The following KIAA1217 variants were observed in gnomAD, a reference collection of about 807,000 sequenced individuals.
The protein encoded by KIAA1217 is KIAA1217, also known as sickle tail protein homolog.
Under a neutral mutation model 163.9 loss-of-function variants are expected in KIAA1217, and 88 were observed. That is an observed-to-expected ratio of 0.54 (90% CI 0.45 to 0.64). The LOEUF (loss-of-function observed/expected upper bound fraction) is 0.64. Among genes scored for constraint, KIAA1217 ranks in the 30% least tolerant of loss-of-function variants. The pLI is 0.00. For missense variants in KIAA1217, 2,372 were observed against 2,475.0 expected, an observed-to-expected ratio of 0.96 and a Z score of 0.88; for synonymous variants, 903 against 923.1, an observed-to-expected ratio of 0.98 and a Z score of 0.39.
intron 1 of KIAA1217, among the ~76,000 whole-genome samples, chr10:23,992,673 C>G (rs994658440): frequency 6.8e-6 from 1 of 146,024 alleles, no homozygotes; most frequent in African/African-American, 2.6e-5. Flanking sequence ...AGCCAAAGGT[C>G]TAGAAGGAAG....
chr10:23,919,845 G>A (rs1589077633), intron 1 of KIAA1217, among the ~76,000 whole-genome samples: 1 of 152,038 alleles, frequency 6.6e-6, no homozygotes, highest in African/African-American at 2.4e-5. Flanking sequence ...GCAAAATTCT[G>A]CCCCATGACA....
At chr10:23,738,883 T>TA (rs1838952990) in intron 1 of KIAA1217, among the ~76,000 whole-genome samples, 2 of 152,110 alleles carry the variant, frequency 1.3e-5, no homozygotes, top group African/African-American at 4.8e-5. Flanking sequence ...GAATAGGGAA[T>TA]ACACATACAA....
chr10:24,245,454 C>A (rs1271044768), intron 2 of KIAA1217, among the ~76,000 whole-genome samples: 1 of 152,182 alleles, frequency 6.6e-6, no homozygotes, highest in Non-Finnish European at 1.5e-5. Context: ...CTCTTTGGAC[C>A]TACTACTTGC....
chr10:24,219,572 T>G, intron 1 of KIAA1217, 54 bp from the exon 2 acceptor site: 93 of 1,445,104 alleles, frequency 6.4e-5, no homozygotes, highest in Middle Eastern at 1.8e-4. Context: ...GTTCTGCAAA[T>G]GAGACTTCTA....
chr10:23,908,441 T>C (rs1842274904), intron 1 of KIAA1217, among the ~76,000 whole-genome samples: 1 of 152,116 alleles, frequency 6.6e-6, no homozygotes, highest in Non-Finnish European at 1.5e-5. Context: ...TGGACTGCTC[T>C]TTCTCTGCTT....
upstream of KIAA1217, among the ~76,000 whole-genome samples, chr10:24,204,828 C>T (rs1453348812): frequency 6.6e-6 from 1 of 152,212 alleles, no homozygotes; most frequent in Non-Finnish European, 1.5e-5. Context: ...GTTAAAAATC[C>T]TTTATTTCTG....
intron 1 of KIAA1217, among the ~76,000 whole-genome samples, chr10:23,983,667 C>T (rs188562166): frequency 2.6e-4 from 40 of 152,262 alleles, no homozygotes; most frequent in African/African-American, 8.7e-4. Flanking sequence ...TACAGTTCAG[C>T]GAGATTTGGG....
intron 1 of KIAA1217, among the ~76,000 whole-genome samples, chr10:23,839,156 T>C (rs1838645713): frequency 1.3e-5 from 2 of 152,202 alleles, no homozygotes; most frequent in Admixed American, 1.3e-4. Context: ...TATCTTCTTA[T>C]TTTATCTAGT....
chr10:23,874,878 A>T (rs1214422612), intron 1 of KIAA1217, among the ~76,000 whole-genome samples: 13 of 152,036 alleles, frequency 8.6e-5, no homozygotes. Context: ...TAAGGAAAAG[A>T]GGTTTATTTT....
At chr10:23,782,340 T>A (rs1835295628) in intron 1 of KIAA1217, among the ~76,000 whole-genome samples, 1 of 152,212 alleles carries the variant, frequency 6.6e-6, no homozygotes, top group Admixed American at 6.5e-5. Flanking sequence ...ATGGGATAGT[T>A]TTCTGTATTT....
At chr10:24,490,129 CTCAT>C (rs1019288516) in intron 6 of KIAA1217, among the ~76,000 whole-genome samples, 47 of 152,172 alleles carry the variant, frequency 3.1e-4, no homozygotes, top group Non-Finnish European at 1.5e-5. Context: ...CATGAGAAGA[CTCAT>C]TCAGACAGGC....
At chr10:24,512,359 T>C (rs1329500189) in intron 9 of KIAA1217, among the ~76,000 whole-genome samples, 1 of 152,098 alleles carries the variant, frequency 6.6e-6, no homozygotes, top group Admixed American at 6.6e-5. Flanking sequence ...AGGCATAATA[T>C]CATTATTGTG....
chr10:24,463,037 CA>C (rs1177715706), intron 5 of KIAA1217, among the ~76,000 whole-genome samples: 1 of 152,130 alleles, frequency 6.6e-6, no homozygotes, highest in African/African-American at 2.4e-5. Context: ...CCATCTGTTG[CA>C]AGTGGCATAA....
chr10:24,096,204 A>G (rs890539200), intron 2 of KIAA1217, among the ~76,000 whole-genome samples: 1 of 152,200 alleles, frequency 6.6e-6, no homozygotes, highest in Non-Finnish European at 1.5e-5. Context: ...AAAGGTGACC[A>G]TGGTTGTCTG....
chr10:24,264,883 A>G (rs2076090649), intron 2 of KIAA1217, among the ~76,000 whole-genome samples: 1 of 129,326 alleles, frequency 7.7e-6, no homozygotes, highest in South Asian at 2.4e-4. Context: ...TTCTTGTCTC[A>G]TTCTGTTGCC....
At chr10:24,141,093 T>G (rs933863407) in intron 2 of KIAA1217, among the ~76,000 whole-genome samples, 3 of 152,112 alleles carry the variant, frequency 2.0e-5, no homozygotes, top group African/African-American at 7.2e-5. Flanking sequence ...ATGAGTTTAC[T>G]TTCTTTCCTC....
At chr10:24,173,254 C>A (rs976729000) in intron 2 of KIAA1217, among the ~76,000 whole-genome samples, 1 of 152,078 alleles carries the variant, frequency 6.6e-6, no homozygotes, top group African/African-American at 2.4e-5. Flanking sequence ...TGTCACCGTC[C>A]CCTATCACCC....
intron 9 of KIAA1217, among the ~76,000 whole-genome samples, chr10:24,506,374 G>C (rs184307697): frequency 2.0e-3 from 306 of 152,314 alleles, no homozygotes; most frequent in South Asian, 0.013. Context: ...TTGAGTATGT[G>C]AGATATAGGT....
chr10:23,966,511 C>T (rs991440890), intron 1 of KIAA1217, among the ~76,000 whole-genome samples: 5 of 152,144 alleles, frequency 3.3e-5, no homozygotes, highest in Admixed American at 6.5e-5. Flanking sequence ...TGCTGTCTAC[C>T]GTCAGCTGAC....
Sources: gnomAD v4.1 joint callset for allele counts (sites outside exome capture counted in the v4.1 genomes callset) on GRCh38, gnomAD v4.1.1 for gene constraint, MANE v1.5 for transcripts, NCBI Gene and HGNC (gene_info 2026-07-23, HGNC 2026-07-21) for gene names.